CNOT2: variants seen among roughly 807,000 people sequenced by gnomAD.
CNOT2 encodes the protein CC chemokine receptor 4-negative regulator of transcription 2.
In CNOT2, 7 loss-of-function variants were observed where a neutral mutation model predicts 72.1. The observed-to-expected ratio is 0.10, with a 90% CI of 0.06 to 0.18. The LOEUF (loss-of-function observed/expected upper bound fraction) is 0.18. Among genes scored for constraint, CNOT2 ranks in the 10% least tolerant of loss-of-function variants. The probability of loss-of-function intolerance (pLI) is 1.00; values close to 1 mark genes in which losing one functional copy is unlikely to be tolerated. For synonymous variants in CNOT2, 196 were observed against 225.6 expected (o/e 0.87, Z 1.17); for missense variants, 345 against 660.3 (o/e 0.52, Z 5.23).
At chr12:70,250,260 A>G (rs1239497545) in intron 1 of CNOT2, among the ~76,000 whole-genome samples, 2 of 152,164 alleles carry the variant, frequency 1.3e-5, no homozygotes, top group African/African-American at 2.4e-5. Flanking sequence ...GTCACTTCCA[A>G]CAGTAAAATT....
intron 4 of CNOT2, among the ~76,000 whole-genome samples, chr12:70,328,661 C>A (rs368892732): frequency 9.8e-4 from 148 of 151,296 alleles, no homozygotes; most frequent in Middle Eastern, 3.4e-3. Context: ...AAAAGTTTAT[C>A]CACAGTGGTT....
intron 5 of CNOT2, 63 bp downstream of exon 5, chr12:70,329,633 G>GT: frequency 8.2e-7 from 1 of 1,212,740 alleles, no homozygotes; most frequent in Non-Finnish European, 1.2e-6. Flanking sequence ...CAAACTTTTA[G>GT]TTTTTTAATA....
upstream of CNOT2, chr12:70,243,140 G>A (rs1395358174): frequency 6.6e-6 from 1 of 152,270 alleles, no homozygotes; most frequent in Non-Finnish European, 1.5e-5. Flanking sequence ...CCTAGCCCCA[G>A]GGAAACGGTA....
At chr12:70,312,347 A>G (rs1301731990) in intron 3 of CNOT2, among the ~76,000 whole-genome samples, 2 of 151,942 alleles carry the variant, frequency 1.3e-5, no homozygotes, top group African/African-American at 4.8e-5. Flanking sequence ...TATATAATGA[A>G]AGTTAAGTTT....
At chr12:70,245,508 A>G in intron 1 of CNOT2, among the ~76,000 whole-genome samples, 1 of 152,198 alleles carries the variant, frequency 6.6e-6, no homozygotes, top group South Asian at 2.1e-4. Context: ...TTCTAAGTAT[A>G]CAATGTAGAG....
intron 4 of CNOT2, chr12:70,321,776 A>G (rs1299808554): frequency 6.6e-6 from 1 of 151,746 alleles, no homozygotes; most frequent in Non-Finnish European, 1.5e-5. Flanking sequence ...TAGAAGTAAG[A>G]GTCACTGAGA....
intron 1 of CNOT2, among the ~76,000 whole-genome samples, chr12:70,246,740 C>T (rs1957893014): frequency 6.6e-6 from 1 of 152,212 alleles, no homozygotes; most frequent in Non-Finnish European, 1.5e-5. Context: ...TGTTTGACAT[C>T]CTTTGATTTC....
At chr12:70,322,121 A>G (rs1049364521) in intron 4 of CNOT2, 10 of 151,836 alleles carry the variant, frequency 6.6e-5, no homozygotes, top group East Asian at 3.9e-4. Flanking sequence ...CTCACTTAAC[A>G]TAAGTTTTTT....
chr12:70,323,586 GA>G (rs1402830073), intron 4 of CNOT2: 3 of 151,716 alleles, frequency 2.0e-5, no homozygotes, highest in Non-Finnish European at 2.9e-5. Flanking sequence ...GCATTGAACA[GA>G]CTGTGAGTAA....
intron 2 of CNOT2, among the ~76,000 whole-genome samples, chr12:70,293,324 C>T (rs1172399207): frequency 6.6e-6 from 1 of 151,990 alleles, no homozygotes; most frequent in African/African-American, 2.4e-5. Flanking sequence ...CCATGCCCGG[C>T]TAATTTTGTA....
At position 70,254,753 on chromosome 12, in the gene CNOT2, G is replaced by A. The variant is rs574547433; in HGVS notation, c.-96+11273G>A. On this transcript the variant is annotated intron_variant, in intron 1 of 15. Transcript: ENST00000229195. Reference sequence around the variant, plus strand: ...TCCCAGCACTTTGGGAGGCCGAGGCGGGTGGATTGTAAGTTTTAGGAGTTC... The same window carrying A: ...TCCCAGCACTTTGGGAGGCCGAGGCAGGTGGATTGTAAGTTTTAGGAGTTC... Among the ~76,000 whole-genome samples the A allele has an allele frequency of 1.1e-4, 16 of 152,094 alleles. No individual in the cohort carries two copies. The South Asian group carries it at 1.9e-3, about 18-fold the overall frequency.
intron 4 of CNOT2, among the ~76,000 whole-genome samples, chr12:70,321,328 C>T (rs550646908): frequency 9.2e-5 from 14 of 151,850 alleles, no homozygotes; most frequent in African/African-American, 3.4e-4. Context: ...TCTAGGTTGC[C>T]AATTTCTATC....
In CNOT2 at chr12:70,338,427, AT is replaced by A. The variant is rs1396049610; in HGVS notation, c.901-9del. 7.6e-6 allele frequency: 12 copies of A among 1,588,204 alleles called. No homozygotes were observed. The highest frequency in any genetic ancestry group is 2.2e-5 in the East Asian group (1 of 44,698). On this transcript the variant is annotated splice_polypyrimidine_tract_variant and intron_variant, in intron 9 of 15. Coordinates refer to ENST00000229195, the MANE Select transcript of CNOT2 (RefSeq NM_014515.7). Reference sequence around the variant, plus strand: ...TTAACAAATTTTAATGTCACATTTAATTTTTTTCATGCTAGAATTTGAATAC... The same window carrying A: ...TTAACAAATTTTAATGTCACATTTAATTTTTTCATGCTAGAATTTGAATAC...
At chr12:70,244,705 T>TA (rs1471292925) in intron 1 of CNOT2, among the ~76,000 whole-genome samples, 1 of 152,218 alleles carries the variant, frequency 6.6e-6, no homozygotes, top group Non-Finnish European at 1.5e-5. Flanking sequence ...CCACTCCTTT[T>TA]AAAATCGTTT....
chr12:70,257,594 C>T (rs893338502), intron 1 of CNOT2, among the ~76,000 whole-genome samples: 4 of 151,820 alleles, frequency 2.6e-5, no homozygotes, highest in African/African-American at 9.7e-5. Flanking sequence ...CTCTCGATCT[C>T]CTGACCTCGT....
At chr12:70,257,354 C>T (rs1227036268) in intron 1 of CNOT2, among the ~76,000 whole-genome samples, 31 of 128,576 alleles carry the variant, frequency 2.4e-4, no homozygotes, top group African/African-American at 6.4e-4. Flanking sequence ...CAACTACCCC[C>T]TTTTTTTTTT....
At chr12:70,338,400 A>G in intron 9 of CNOT2, 43 bp from the exon 10 acceptor site, 2 of 1,545,358 alleles carry the variant, frequency 1.3e-6, no homozygotes, top group South Asian at 1.2e-5. Context: ...GAATTTGTAT[A>G]CTTAACAAAT....
chr12:70,342,285 C>T lies in CNOT2; in HGVS notation c.1268C>T (p.Thr423Met), dbSNP rs369846481. ...TTCCATGTTCCATCTGAGTACTTAA[C>T]GAACATTCACATTAGGGATAAGGTG... ...IDFHVPSEYL[T>M]NIHIRDKLAA... The change falls in exon 13 of 16, where the codon ACG becomes ATG. Residue 423 changes from threonine (T) to methionine (M), a missense_variant. Coordinates refer to ENST00000229195, the MANE Select transcript of CNOT2 (RefSeq NM_014515.7). The T allele has an allele frequency of 6.2e-7, 1 of 1,613,470 alleles. No homozygotes were observed. The highest frequency in any genetic ancestry group is 8.5e-7 in the Non-Finnish European group (1 of 1,179,754).
At chr12:70,326,987 C>T (rs148628237) in intron 4 of CNOT2, among the ~76,000 whole-genome samples, 112 of 151,902 alleles carry the variant, frequency 7.4e-4, no homozygotes, top group East Asian at 7.0e-3. Context: ...TTTTCTTCTC[C>T]AAATTTGTTT....
Sources: gnomAD v4.1 joint callset for allele counts (sites outside exome capture counted in the v4.1 genomes callset) on GRCh38, gnomAD v4.1.1 for gene constraint, MANE v1.5 for transcripts, NCBI Gene and HGNC (gene_info 2026-07-23, HGNC 2026-07-21) for gene names.